Variants in MARCHF1 observed in about 807,000 individuals in gnomAD.
MARCHF1 encodes E3 ubiquitin-protein ligase MARCHF1.
A neutral mutation model predicts 54.2 loss-of-function variants in MARCHF1; 40 were observed. The ratio of observed to expected loss-of-function variants is 0.74; its 90% CI spans 0.57 to 0.96. The LOEUF (loss-of-function observed/expected upper bound fraction) is 0.96, where lower values mean the gene tolerates loss of function less well. Ranked by LOEUF, MARCHF1 falls within the 40% of genes least tolerant of loss-of-function variation. The pLI, the probability that MARCHF1 is intolerant of heterozygous loss-of-function variation, is 0.00. For synonymous variants in MARCHF1, 236 were observed against 236.3 expected, an observed-to-expected ratio of 1.00 and a Z score of 0.01; for missense variants, 586 against 656.5, an observed-to-expected ratio of 0.89 and a Z score of 1.17.
At chr4:163,817,372 C>T (rs944201892) in intron 4 of MARCHF1, among the ~76,000 whole-genome samples, 4 of 142,198 alleles carry the variant, frequency 2.8e-5, no homozygotes, top group Non-Finnish European at 4.5e-5. Context: ...CATACATATA[C>T]ATACATATAT....
chr4:163,977,786 C>G (rs1016691099), intron 3 of MARCHF1, among the ~76,000 whole-genome samples: 1 of 152,142 alleles, frequency 6.6e-6, no homozygotes, highest in Non-Finnish European at 1.5e-5. Flanking sequence ...TACCATTTCT[C>G]TAAGCACTCA....
At chr4:164,355,972 T>A (rs1326907415) in intron 1 of MARCHF1, among the ~76,000 whole-genome samples, 1 of 123,216 alleles carries the variant, frequency 8.1e-6, no homozygotes, top group African/African-American at 2.8e-5. Flanking sequence ...AACAGACACT[T>A]CTCAAAAGAA....
At chr4:164,216,503 T>C (rs1231124080) in intron 1 of MARCHF1, among the ~76,000 whole-genome samples, 1 of 152,130 alleles carries the variant, frequency 6.6e-6, no homozygotes, top group African/African-American at 2.4e-5. Flanking sequence ...TAGCAGTAGA[T>C]TGAAAAAATA....
intron 3 of MARCHF1, among the ~76,000 whole-genome samples, chr4:163,903,798 G>C (rs1166604494): frequency 6.6e-6 from 1 of 151,876 alleles, no homozygotes; most frequent in Non-Finnish European, 1.5e-5. Flanking sequence ...ATTTTTTGTA[G>C]AGATATAGTT....
chr4:164,121,999 C>T (rs1560914435), intron 1 of MARCHF1, among the ~76,000 whole-genome samples: 2 of 152,026 alleles, frequency 1.3e-5, no homozygotes, highest in South Asian at 2.1e-4. Flanking sequence ...TTCATCATGA[C>T]CAAGTGGGAT....
chr4:163,838,806 G>A (rs1206309488), intron 4 of MARCHF1, among the ~76,000 whole-genome samples: 1 of 151,942 alleles, frequency 6.6e-6, no homozygotes, highest in African/African-American at 2.4e-5. Context: ...ACTCTTATAG[G>A]AAAACACAGG....
chr4:164,249,240 T>G (rs1041092052), intron 1 of MARCHF1, among the ~76,000 whole-genome samples: 3 of 151,830 alleles, frequency 2.0e-5, no homozygotes, highest in Non-Finnish European at 4.4e-5. Context: ...AAGTGAAGCG[T>G]GAAGTTGGGT....
At position 163,932,836 on chromosome 4, in the gene MARCHF1, C is replaced by T. The variant is rs531882087; in HGVS notation, c.-39+55665G>A. ...GAATTGTTGGATAAATATTTAACAG[C>T]CAATGCAACTAATCCAGAGAGTGGG... On this transcript the variant is annotated intron_variant, in intron 3 of 9. Coordinates refer to ENST00000514618, the MANE Select transcript of MARCHF1 (RefSeq NM_001394959.1). The T allele has an allele frequency of 1.3e-4, 81 of 624,828 alleles. No individual in the cohort carries two copies. The East Asian group carries it at 3.0e-3, about 23-fold the overall frequency. The allele number at this position is 624,828 out of a possible 1,614,324, so 38.7% of individuals were successfully genotyped here.
At chr4:163,796,036 C>A (rs1014499211) in intron 4 of MARCHF1, among the ~76,000 whole-genome samples, 1 of 152,086 alleles carries the variant, frequency 6.6e-6, no homozygotes, top group Admixed American at 6.6e-5. Context: ...CTCGTCTTCA[C>A]ATTGAGTAGG....
chr4:163,789,556 T>C (rs1747714272), intron 4 of MARCHF1, among the ~76,000 whole-genome samples: 1 of 151,802 alleles, frequency 6.6e-6, no homozygotes, highest in African/African-American at 2.4e-5. Flanking sequence ...ATTTAATGTA[T>C]ATTAGAGTCA....
chr4:164,140,246 T>A (rs1756497372), intron 1 of MARCHF1, among the ~76,000 whole-genome samples: 1 of 150,476 alleles, frequency 6.6e-6, no homozygotes, highest in African/African-American at 2.4e-5. Context: ...ACACTATATA[T>A]ATATATATAT....
At chr4:164,037,032 G>T (rs1754020332) in intron 2 of MARCHF1, among the ~76,000 whole-genome samples, 1 of 151,978 alleles carries the variant, frequency 6.6e-6, no homozygotes, top group African/African-American at 2.4e-5. Flanking sequence ...TAATATGGGG[G>T]GAATAAGAAA....
At chr4:163,762,128 G>C (rs1381768362) in intron 4 of MARCHF1, among the ~76,000 whole-genome samples, 1 of 152,124 alleles carries the variant, frequency 6.6e-6, no homozygotes, top group Non-Finnish European at 1.5e-5. Flanking sequence ...TCCCAGGTTT[G>C]TTTGTTTCTT....
At chr4:164,347,830 A>C (rs901083330) in intron 1 of MARCHF1, among the ~76,000 whole-genome samples, 6 of 152,202 alleles carry the variant, frequency 3.9e-5, no homozygotes, top group Admixed American at 3.9e-4. Flanking sequence ...CAAAATGAAA[A>C]ATATCTATTT....
At chr4:164,075,714 T>G (rs1560892348) in intron 2 of MARCHF1, among the ~76,000 whole-genome samples, 1 of 152,236 alleles carries the variant, frequency 6.6e-6, no homozygotes, top group Non-Finnish European at 1.5e-5. Flanking sequence ...TTAGGACATT[T>G]CCCAAATTGA....
At chr4:163,712,967 G>GA (rs1416167768) in intron 4 of MARCHF1, among the ~76,000 whole-genome samples, 9 of 151,980 alleles carry the variant, frequency 5.9e-5, no homozygotes, top group Non-Finnish European at 1.2e-4. Flanking sequence ...CATACACCAT[G>GA]AAAAAAATCA....
chr4:164,086,795 G>A (rs1755201407), intron 2 of MARCHF1, among the ~76,000 whole-genome samples: 1 of 151,894 alleles, frequency 6.6e-6, no homozygotes, highest in Non-Finnish European at 1.5e-5. Flanking sequence ...TTATGAATGT[G>A]GACAGAATTA....
chr4:164,107,719 A>C (rs114421579), intron 2 of MARCHF1, among the ~76,000 whole-genome samples: 10 of 152,170 alleles, frequency 6.6e-5, no homozygotes, highest in Non-Finnish European at 8.8e-5. Context: ...TTACTCACTT[A>C]AAAATTCACT....
intron 4 of MARCHF1, among the ~76,000 whole-genome samples, chr4:163,778,862 T>G (rs1375210231): frequency 2.0e-5 from 3 of 151,204 alleles, no homozygotes; most frequent in Non-Finnish European, 2.9e-5. Context: ...AGTGAGAGGG[T>G]GGGAGGGGGG....
Sources: gnomAD v4.1 joint callset for allele counts (sites outside exome capture counted in the v4.1 genomes callset) on GRCh38, gnomAD v4.1.1 for gene constraint, MANE v1.5 for transcripts, NCBI Gene and HGNC (gene_info 2026-07-23, HGNC 2026-07-21) for gene names.